The following PLEKHF1 variants were observed in gnomAD, a reference collection of about 807,000 sequenced individuals.
PLEKHF1 encodes pleckstrin homology domain-containing family F member 1.
In PLEKHF1, 1 loss-of-function variant was observed where a neutral mutation model predicts 4.1. The observed-to-expected ratio is 0.24, with a 90% CI of 0.09 to 1.15. The LOEUF is 1.15. Ranked by LOEUF, PLEKHF1 falls within the 50% of genes most tolerant of loss-of-function variation. The pLI is 0.52. For missense variants in PLEKHF1, 429 were observed against 400.6 expected (o/e 1.07, Z -0.60); for synonymous variants, 182 against 178.5 (o/e 1.02, Z -0.16).
intron 1 of PLEKHF1, among the ~76,000 whole-genome samples, chr19:29,666,603 A>G (rs904675630): frequency 6.6e-6 from 1 of 152,182 alleles, no homozygotes; most frequent in South Asian, 2.1e-4. Flanking sequence ...AGCGCAGGCA[A>G]CACCCGCTGG....
At chr19:29,669,673 A>G (rs1173904611) in intron 1 of PLEKHF1, among the ~76,000 whole-genome samples, 1 of 152,074 alleles carries the variant, frequency 6.6e-6, no homozygotes, top group Non-Finnish European at 1.5e-5. Context: ...ACGTGTTCCC[A>G]TTTCTTGAAA....
chr19:29,665,589 A>G, intron 1 of PLEKHF1, 84 bp downstream of exon 1: 1 of 1,230,468 alleles, frequency 8.1e-7, no homozygotes. Context: ...ACCCCCGGAC[A>G]AGCGAGCTCT....
chr19:29,674,789 G>C lies in PLEKHF1; in HGVS notation c.*110G>C. 6.9e-7 allele frequency: 1 copy of C among 1,441,162 alleles called. No individual in the cohort carries two copies. Among genetic ancestry groups the C allele is most frequent in the Non-Finnish European group, 9.2e-7 (1 of 1,088,956 alleles). The allele number at this position is 1,441,162 out of a possible 1,614,324, so 89.3% of individuals were successfully genotyped here. On this transcript the variant is annotated 3_prime_UTR_variant, in exon 2 of 2. Transcript: ENST00000436066. Reference sequence around the variant, plus strand: ...CCGGGACCCCATCCCATGGTGGCAGGTGCAGCGGTGGGGAGTGGCTCTTTC... The same window carrying C: ...CCGGGACCCCATCCCATGGTGGCAGCTGCAGCGGTGGGGAGTGGCTCTTTC...
intron 1 of PLEKHF1, among the ~76,000 whole-genome samples, chr19:29,666,343 G>A (rs1971569370): frequency 6.6e-6 from 1 of 152,226 alleles, no homozygotes; most frequent in Non-Finnish European, 1.5e-5. Flanking sequence ...TCGTCCCTCT[G>A]CACAGCGTCG....
At chr19:29,665,822 C>T (rs1008510152) in intron 1 of PLEKHF1, 11 of 1,053,520 alleles carry the variant, frequency 1.0e-5, no homozygotes, top group Non-Finnish European at 1.3e-5. Context: ...CCACCCGGGA[C>T]TGCAGGGGTC....
At chr19:29,668,055 G>A (rs1446632761) in intron 1 of PLEKHF1, among the ~76,000 whole-genome samples, 3 of 152,156 alleles carry the variant, frequency 2.0e-5, no homozygotes, top group Admixed American at 6.5e-5. Context: ...GCAGCCACAC[G>A]GGGGCTCTCA....
chr19:29,674,015 A>C lies in PLEKHF1; in HGVS notation c.176A>C (p.Asn59Thr), dbSNP rs771455054. 45 of 1,614,000 alleles carry C rather than the reference A, an allele frequency of 2.8e-5. No individual in the cohort carries two copies. Among genetic ancestry groups the C allele is most frequent in the Middle Eastern group, 1.6e-4 (1 of 6,084 alleles). Residue 59 changes from asparagine to threonine, a missense_variant, in exon 2 of 2, where the codon AAC (asparagine) becomes ACC (threonine). Transcript: ENST00000436066. ...KAKPRIFFLF[N>T]DILVYGSIVL... Reference sequence around the variant, plus strand: ...AAGCCGCGCATCTTCTTCCTCTTTAACGACATCCTGGTGTATGGCAGCATC... The same window carrying C: ...AAGCCGCGCATCTTCTTCCTCTTTACCGACATCCTGGTGTATGGCAGCATC...
Position 29,674,495 on chromosome 19 carries a change from A to G in PLEKHF1, c.656A>G (p.Glu219Gly), listed in dbSNP as rs1018438175. 1.9e-6 allele frequency: 3 copies of G among 1,549,006 alleles called. No individual in the cohort carries two copies. In the African/African-American group the frequency reaches 4.1e-5, roughly 21 times the overall value. ...RELAAQQRQE[E>G]AEEQGAGSPG... Reference sequence around the variant, plus strand: ...CTGGCCGCCCAGCAGCGGCAGGAGGAGGCGGAGGAGCAGGGCGCGGGGTCC... The same window carrying G: ...CTGGCCGCCCAGCAGCGGCAGGAGGGGGCGGAGGAGCAGGGCGCGGGGTCC... Residue 219 changes from glutamate to glycine, a missense_variant, in exon 2 of 2, where the codon GAG (glutamate) becomes GGG (glycine). Transcript: ENST00000436066.
chr19:29,665,636 G>T (rs1055803634), intron 1 of PLEKHF1, 131 bp downstream of exon 1: 1 of 1,161,544 alleles, frequency 8.6e-7, no homozygotes, highest in Non-Finnish European at 1.1e-6. Context: ...CTGGGCCGGC[G>T]GGGCGCAGTG....
chr19:29,671,769 C>T lies in PLEKHF1; in HGVS notation c.-16-2055C>T, dbSNP rs1971633883. 1.3e-5 allele frequency among the ~76,000 whole-genome samples: 2 copies of T among 152,176 alleles called. No homozygotes were observed. The highest frequency in any genetic ancestry group is 2.9e-5 in the Non-Finnish European group (2 of 68,034). On this transcript the variant is annotated intron_variant, in intron 1 of 1. Coordinates refer to ENST00000436066, the MANE Select transcript of PLEKHF1 (RefSeq NM_024310.5). This position sits in a 1 kb window ranked among gnomAD's most constrained non-coding sequence, Gnocchi z 4.0. Reference sequence around the variant, plus strand: ...GTTCTGCAATGCATCCACCCTCACACTGGGGCCCCACTCTGGCTTTCTACT... The same window carrying T: ...GTTCTGCAATGCATCCACCCTCACATTGGGGCCCCACTCTGGCTTTCTACT...
chr19:29,673,109 GAT>G (rs1909750105), intron 1 of PLEKHF1, among the ~76,000 whole-genome samples: 2 of 152,320 alleles, frequency 1.3e-5, no homozygotes, highest in South Asian at 4.1e-4. Flanking sequence ...AACTAAATGA[GAT>G]AGTCACGCTT....
chr19:29,673,803 C>T (rs1971657766), intron 1 of PLEKHF1, 21 bp from the exon 2 acceptor site: 1 of 1,568,222 alleles, frequency 6.4e-7, no homozygotes, highest in South Asian at 1.2e-5. Flanking sequence ...GGACATACTC[C>T]TTGTCTGTCT....
At position 29,674,599 on chromosome 19, in the gene PLEKHF1, G is replaced by C. The variant is rs1380606183; in HGVS notation, c.760G>C (p.Glu254Gln). Residue 254 changes from glutamate to glutamine, a missense_variant, in exon 2 of 2, where the codon GAG (glutamate) becomes CAG (glutamine). Transcript: ENST00000436066. Reference protein sequence around the residue: ...GDDDDSDEDKEGSRDGDWPSS... With the variant: ...GDDDDSDEDKQGSRDGDWPSS... ...TGACGATGACTCCGACGAGGACAAG[G>C]AGGGCAGCAGGGACGGCGACTGGCC... 2 of 1,607,614 alleles carry C rather than the reference G, an allele frequency of 1.2e-6. No homozygotes were observed. The highest frequency in any genetic ancestry group is 3.4e-5 in the Admixed American group (2 of 59,486).
chr19:29,666,758 G>A (rs1457049297), intron 1 of PLEKHF1: 9 of 152,234 alleles, frequency 5.9e-5, no homozygotes, highest in Non-Finnish European at 1.3e-4. Flanking sequence ...TCCCCAAGGG[G>A]GCTTTTGTGA....
chr19:29,665,748 G>T lies in PLEKHF1; in HGVS notation c.-17+243G>T, dbSNP rs8105689. On this transcript the variant is annotated intron_variant, in intron 1 of 1. Transcript: ENST00000436066. The stretch of plus-strand genomic sequence containing the variant: ...GGGGAGAGCGGTCAGGGGTCAGAGC[G>T]TCCGAGGCGGAATCCCCGGGGAAAC... 4.5e-3 allele frequency: 4,842 copies of T among 1,074,732 alleles called. 196 individuals carry two copies. In the African/African-American group the frequency reaches 0.079, roughly 17 times the overall value. The allele number at this position is 1,074,732 out of a possible 1,614,324, so 66.6% of individuals were successfully genotyped here.
intron 1 of PLEKHF1, among the ~76,000 whole-genome samples, chr19:29,669,665 G>A (rs771469737): frequency 3.3e-5 from 5 of 152,174 alleles, no homozygotes; most frequent in African/African-American, 7.2e-5. Flanking sequence ...GAAGCAACAC[G>A]TGTTCCCATT....
At position 29,675,001 on chromosome 19, in the gene PLEKHF1, T is replaced by G; in HGVS notation, c.*322T>G. 1 of 327,250 alleles carries G rather than the reference T, an allele frequency of 3.1e-6. No homozygotes were observed. Among genetic ancestry groups the G allele is most frequent in the Non-Finnish European group, 5.8e-6 (1 of 171,262 alleles). The allele number at this position is 327,250 out of a possible 1,614,324, so 20.3% of individuals were successfully genotyped here. On this transcript the variant is annotated 3_prime_UTR_variant, in exon 2 of 2. Coordinates refer to ENST00000436066, the MANE Select transcript of PLEKHF1 (RefSeq NM_024310.5). ...GGACGACCCCAGGTCTCCAGACATCTAGGGACCAGAGCAGGTTTGGGAACA... is the reference window on the plus strand; with the variant it reads ...GGACGACCCCAGGTCTCCAGACATCGAGGGACCAGAGCAGGTTTGGGAACA...
Position 29,665,699 on chromosome 19 carries a change from G to A in PLEKHF1, c.-17+194G>A, listed in dbSNP as rs2040334054. ...TGGGAAGGGCGCTCCTGGGCGGCTTGCGGGGTGAACCTGCAGGGAGCCTGG... is the reference window on the plus strand; with the variant it reads ...TGGGAAGGGCGCTCCTGGGCGGCTTACGGGGTGAACCTGCAGGGAGCCTGG... On this transcript the variant is annotated intron_variant, in intron 1 of 1. Transcript: ENST00000436066. The A allele has an allele frequency of 3.6e-6, 4 of 1,107,288 alleles. No homozygotes were observed. The South Asian group carries it at 7.4e-5, about 20-fold the overall frequency. 68.6% of individuals were successfully genotyped at this position (1,107,288 alleles called of 1,614,324 possible).
At position 29,671,104 on chromosome 19, in the gene PLEKHF1, CTTT is replaced by C. The variant is rs56717095; in HGVS notation, c.-16-2709_-16-2707del. ...TTTTTTGTTTTGTTTTTTTCCCCTC[CTTT>C]TTTTTTTTTTGAGATGGAATCTCAC... On this transcript the variant is annotated intron_variant, in intron 1 of 1. Transcript: ENST00000436066. This position sits in a 1 kb window ranked among gnomAD's most constrained non-coding sequence, Gnocchi z 4.0. Among the ~76,000 whole-genome samples the C allele has an allele frequency of 6.9e-6, 1 of 144,804 alleles. No individual in the cohort carries two copies. Among genetic ancestry groups the C allele is most frequent in the African/African-American group, 2.5e-5 (1 of 39,750 alleles). The allele number at this position is 144,804 out of a possible 152,430, so 95.0% of individuals were successfully genotyped here. A position where few individuals can be genotyped will look rare whatever the true frequency, so the allele number is the denominator to read the frequency against.
Sources: gnomAD v4.1 joint callset for allele counts (sites outside exome capture counted in the v4.1 genomes callset) on GRCh38, gnomAD v4.1.1 for gene constraint, Gnocchi (gnomAD v3.1) non-coding constraint, MANE v1.5 for transcripts, NCBI Gene and HGNC (gene_info 2026-07-23, HGNC 2026-07-21) for gene names.